Variants in CNOT1 observed in about 807,000 individuals in gnomAD.
CNOT1 encodes CCR4-associated factor 1.
In CNOT1, 15 loss-of-function variants were observed where a neutral mutation model predicts 273.8. The ratio of observed to expected loss-of-function variants is 0.05; its 90% confidence interval spans 0.04 to 0.08. The LOEUF (loss-of-function observed/expected upper bound fraction) is 0.08. Among genes scored for constraint, CNOT1 ranks in the 10% least tolerant of loss-of-function variants. The pLI is 1.00. For synonymous variants in CNOT1, 1,022 were observed against 1,005.5 expected (o/e 1.02, Z -0.31); for missense variants, 1,644 against 2,912.2 (o/e 0.56, Z 10.02).
At chr16:58,558,060 GGT>G (rs1370708820) in intron 18 of CNOT1, among the ~76,000 whole-genome samples, 5 of 152,206 alleles carry the variant, frequency 3.3e-5, no homozygotes, top group African/African-American at 1.2e-4. Context: ...TCATTTTCAA[GGT>G]TGGTGAAATG....
chr16:58,603,993 A>C (rs1164826374), intron 1 of CNOT1, among the ~76,000 whole-genome samples: 5 of 152,212 alleles, frequency 3.3e-5, no homozygotes, highest in Non-Finnish European at 7.3e-5. Context: ...AACTCACTAA[A>C]TATTTGCTCA....
In CNOT1 at chr16:58,545,423, A is replaced by T. The variant is rs948985200; in HGVS notation, c.4075T>A (p.Tyr1359Asn). The T allele has an allele frequency of 6.2e-7, 1 of 1,614,030 alleles. No individual in the cohort carries two copies. Among genetic ancestry groups the T allele is most frequent in the Non-Finnish European group, 8.5e-7 (1 of 1,179,972 alleles). Reference protein sequence around the residue: ...ATVPPQPQYSYHDINVYSLAG... With the variant: ...ATVPPQPQYSNHDINVYSLAG... ...AGGGAATAGACATTGATGTCGTGGT[A>T]GCTGTACTGTGGCTGTGGTGGAACC... The change falls in exon 30 of 49, where the codon TAC (tyrosine) becomes AAC (asparagine). Residue 1359 changes from tyrosine to asparagine, a missense_variant. Coordinates refer to ENST00000317147, the MANE Select transcript of CNOT1 (RefSeq NM_016284.5).
intron 2 of CNOT1, among the ~76,000 whole-genome samples, chr16:58,593,641 G>A (rs2042143666): frequency 6.6e-6 from 1 of 151,528 alleles, no homozygotes; most frequent in South Asian, 2.1e-4. Context: ...GGCTGAGGCA[G>A]AAGAACTGCT....
chr16:58,537,072 G>A lies in CNOT1; in HGVS notation c.5563C>T (p.Leu1855Phe). 1 of 1,614,180 alleles carries A rather than the reference G, an allele frequency of 6.2e-7. No individual in the cohort carries two copies. The highest frequency in any genetic ancestry group is 1.1e-5 in the South Asian group (1 of 91,082). Reference sequence around the variant, plus strand: ...TAGAGATTCACCCATTCCCTCAGAAGATACTCTGCCTTCTCCCTCAGGCCT... The same window carrying A: ...TAGAGATTCACCCATTCCCTCAGAAAATACTCTGCCTTCTCCCTCAGGCCT... ...PPGLREKAEYLLREWVNLYHS... is the reference protein window; with the variant it reads ...PPGLREKAEYFLREWVNLYHS... Residue 1855 changes from leucine (L) to phenylalanine (F), a missense_variant, in exon 39 of 49, where the codon CTT becomes TTT. This residue lies in a region of CNOT1 where 133 missense variants were observed against 328.2 expected (regional missense o/e 0.41). Coordinates refer to ENST00000317147, the MANE Select transcript of CNOT1 (RefSeq NM_016284.5).
intron 1 of CNOT1, among the ~76,000 whole-genome samples, chr16:58,600,790 T>C (rs527775931): frequency 6.6e-6 from 1 of 152,324 alleles, no homozygotes; most frequent in East Asian, 1.9e-4. Context: ...GTGAGAACTA[T>C]TCTGTATAGA....
chr16:58,605,380 G>A (rs1241994795), intron 1 of CNOT1, among the ~76,000 whole-genome samples: 1 of 151,944 alleles, frequency 6.6e-6, no homozygotes, highest in African/African-American at 2.4e-5. Flanking sequence ...GTGCACACCT[G>A]TAATCCCGGC....
Position 58,560,217 on chromosome 16 carries a change from C to A in CNOT1, c.2125G>T (p.Val709Phe), listed in dbSNP as rs1253456888. 1 of 1,613,810 alleles carries A rather than the reference C, an allele frequency of 6.2e-7. No homozygotes were observed. Among genetic ancestry groups the A allele is most frequent in the South Asian group, 1.1e-5 (1 of 91,028 alleles). ...SASSLDAISPVQIDPLAGMTS... is the reference protein window; with the variant it reads ...SASSLDAISPFQIDPLAGMTS... ...CAAATGTAGCACTCATTTACCTGAA[C>A]AGGAGAAATGGCATCTAAGCTGCTA... Residue 709 changes from valine to phenylalanine, a missense_variant, in exon 17 of 49, where the codon GTT becomes TTT. Around this residue, in one of 13 missense-constraint regions of CNOT1, gnomAD observed 706 missense variants for 1,021.2 expected, o/e 0.69. Transcript: ENST00000317147.
chr16:58,564,284 A>C (rs2040961451), intron 16 of CNOT1, among the ~76,000 whole-genome samples: 1 of 152,148 alleles, frequency 6.6e-6, no homozygotes. Context: ...TAGAGTTTTG[A>C]CTTTAAAACC....
chr16:58,572,177 G>A (rs2041295972), intron 16 of CNOT1, among the ~76,000 whole-genome samples: 1 of 151,484 alleles, frequency 6.6e-6, no homozygotes, highest in Non-Finnish European at 1.5e-5. Context: ...CAGCTACTTG[G>A]AAGGCTGAGG....
At chr16:58,577,683 C>A (rs546560184) in intron 13 of CNOT1, among the ~76,000 whole-genome samples, 4 of 151,806 alleles carry the variant, frequency 2.6e-5, no homozygotes, top group Admixed American at 2.0e-4. Flanking sequence ...TACAAAAATT[C>A]AAAAAATTAA....
chr16:58,553,047 C>T (rs1224976722), intron 22 of CNOT1, among the ~76,000 whole-genome samples: 3 of 152,018 alleles, frequency 2.0e-5, no homozygotes, highest in Non-Finnish European at 1.5e-5. Context: ...CGGAGGTGGG[C>T]GGATCACCTG....
chr16:58,559,064 C>T (rs2040742042), intron 17 of CNOT1, among the ~76,000 whole-genome samples: 1 of 152,212 alleles, frequency 6.6e-6, no homozygotes, highest in Non-Finnish European at 1.5e-5. Context: ...CCTATATACA[C>T]ATAACCAGAA....
At chr16:58,529,249 C>T (rs1196745008) in intron 43 of CNOT1, among the ~76,000 whole-genome samples, 2 of 152,102 alleles carry the variant, frequency 1.3e-5, no homozygotes, top group African/African-American at 4.8e-5. Context: ...ATTTCCTACA[C>T]AAGTCACAAA....
chr16:58,531,943 A>AG lies in CNOT1; in HGVS notation c.6177+14_6177+15insC. The AG allele has an allele frequency of 6.2e-7, 1 of 1,613,838 alleles. No individual in the cohort carries two copies. The highest frequency in any genetic ancestry group is 8.5e-7 in the Non-Finnish European group (1 of 1,179,900). The stretch of plus-strand genomic sequence containing the variant: ...GTTATAGTCTTCATCTACAGGAGAT[A>AG]AACTGCAGCCACACCTTCTGCTGTG... On this transcript the variant is annotated intron_variant, in intron 42 of 48. Coordinates refer to ENST00000317147, the MANE Select transcript of CNOT1 (RefSeq NM_016284.5).
In CNOT1 at chr16:58,556,936, G is replaced by C. The variant is rs1285454158; in HGVS notation, c.2390C>G (p.Pro797Arg). The C allele has an allele frequency of 6.2e-7, 1 of 1,614,130 alleles. No individual in the cohort carries two copies. The highest frequency in any genetic ancestry group is 8.5e-7 in the Non-Finnish European group (1 of 1,180,004). Residue 797 changes from proline to arginine, a missense_variant, in exon 19 of 49, where the codon CCT (proline) becomes CGT (arginine). This residue lies in a region of CNOT1 where 706 missense variants were observed against 1,021.2 expected (regional missense o/e 0.69). Coordinates refer to ENST00000317147, the MANE Select transcript of CNOT1 (RefSeq NM_016284.5). ...TACAAAAGGGTCGTTATTCACTGCA[G>C]GGAGTCCAAGAGCACCAGTTCCTAT... ...TGIGTGALGL[P>R]AVNNDPFVQR... is the part of the protein sequence containing the mutation.
chr16:58,597,025 C>T, intron 2 of CNOT1, among the ~76,000 whole-genome samples: 1 of 149,398 alleles, frequency 6.7e-6, no homozygotes, highest in East Asian at 2.0e-4. Flanking sequence ...GACTGAACAG[C>T]TAAAATCTTT....
intron 1 of CNOT1, among the ~76,000 whole-genome samples, chr16:58,609,543 G>A (rs914163873): frequency 4.6e-5 from 7 of 152,030 alleles, no homozygotes; most frequent in Non-Finnish European, 8.8e-5. Context: ...GGCTGATGCA[G>A]CCTTGATCTC....
intron 44 of CNOT1, 103 bp downstream of exon 44, chr16:58,528,372 T>C: frequency 2.5e-6 from 2 of 793,910 alleles, no homozygotes. Context: ...TAACTAATAG[T>C]GTGCGTGTTA....
chr16:58,609,358 G>A (rs1204820745), intron 1 of CNOT1, among the ~76,000 whole-genome samples: 2 of 146,380 alleles, frequency 1.4e-5, no homozygotes, highest in African/African-American at 2.5e-5. Flanking sequence ...GGTGACAGAG[G>A]GAGACTCTGT....
Sources: gnomAD v4.1 joint callset for allele counts (sites outside exome capture counted in the v4.1 genomes callset) on GRCh38, gnomAD v4.1.1 for gene constraint, gnomAD v4.1.1 regional missense constraint, MANE v1.5 for transcripts, NCBI Gene and HGNC (gene_info 2026-07-23, HGNC 2026-07-21) for gene names.